PSMA1: variants seen among roughly 807,000 people sequenced by gnomAD.
The protein encoded by PSMA1 is proteasome subunit alpha type-1.
A neutral mutation model predicts 38.4 loss-of-function variants in PSMA1; 3 were observed. The ratio of observed to expected loss-of-function variants is 0.08; its 90% CI spans 0.04 to 0.20. PSMA1 has a LOEUF of 0.20. Ranked by LOEUF, PSMA1 falls within the 10% of genes least tolerant of loss-of-function variation. The pLI is 1.00. For missense variants in PSMA1, 227 were observed against 325.3 expected, an observed-to-expected ratio of 0.70 and a Z score of 2.32; for synonymous variants, 101 against 107.1, an observed-to-expected ratio of 0.94 and a Z score of 0.35.
In PSMA1 at chr11:14,546,020, T is replaced by TG. The variant is rs113480346; in HGVS notation, c.22-26980dup. ...CCTGAATTCTGTCTCTAGACTCCTT[T>TG]GGGGGGGTCCATCAAGCTCAAGTTA... On this transcript the variant is annotated intron_variant, in intron 2 of 10. Transcript: ENST00000418988. Among the ~76,000 whole-genome samples the TG allele has an allele frequency of 6.7e-3, 1,019 of 152,220 alleles. 22 individuals are homozygous for TG. Among genetic ancestry groups the TG allele is most frequent in the African/African-American group, 0.023 (973 of 41,516 alleles).
At chr11:14,628,291 A>G (rs528581548) in intron 1 of PSMA1, among the ~76,000 whole-genome samples, 102 of 970 alleles carry the variant, frequency 0.11, 1 homozygote, top group African/African-American at 0.24. Flanking sequence ...AGCATTAGGT[A>G]TATCTCCCAA....
At chr11:14,591,391 C>A (rs1339330350) in intron 2 of PSMA1, among the ~76,000 whole-genome samples, 2 of 152,206 alleles carry the variant, frequency 1.3e-5, no homozygotes, top group Non-Finnish European at 2.9e-5. Context: ...CCGATGAGTG[C>A]CGCCCCCTGC....
rs1851681064 is a variant in PSMA1 at position 14,534,348 on chromosome 11, T to C, written c.22-15307A>G. On this transcript the variant is annotated intron_variant, in intron 2 of 10. Coordinates refer to the PSMA1 transcript ENST00000418988. This position sits in a 1 kb window ranked among gnomAD's most constrained non-coding sequence, Gnocchi z 4.5. ...ATTTCTTCATGTCACATGCTTTAAATGTCTGTATAGCTATAAGGTATTACA... is the reference window on the plus strand; with the variant it reads ...ATTTCTTCATGTCACATGCTTTAAACGTCTGTATAGCTATAAGGTATTACA... Among the ~76,000 whole-genome samples the C allele has an allele frequency of 6.6e-6, 1 of 152,264 alleles. No individual in the cohort carries two copies. The highest frequency in any genetic ancestry group is 1.9e-4 in the East Asian group (1 of 5,206).
At chr11:14,633,685 T>C (rs1247882664) in intron 1 of PSMA1, among the ~76,000 whole-genome samples, 18 of 152,210 alleles carry the variant, frequency 1.2e-4, no homozygotes, top group Admixed American at 1.2e-3. Flanking sequence ...GCTTCCTGGC[T>C]GCTTTGTTTA....
intron 2 of PSMA1, among the ~76,000 whole-genome samples, chr11:14,598,441 G>C (rs1473104651): frequency 6.6e-6 from 1 of 152,074 alleles, no homozygotes; most frequent in Non-Finnish European, 1.5e-5. Context: ...TGTATTGGTT[G>C]CATATATATT....
At chr11:14,530,991 T>A (rs1851641914) in intron 2 of PSMA1, among the ~76,000 whole-genome samples, 1 of 152,092 alleles carries the variant, frequency 6.6e-6, no homozygotes, top group Admixed American at 6.5e-5. Flanking sequence ...TACCAAAAGT[T>A]GAAGTCTAAA....
chr11:14,592,681 G>A (rs999012051), intron 2 of PSMA1, among the ~76,000 whole-genome samples: 1 of 152,200 alleles, frequency 6.6e-6, no homozygotes. Context: ...CACTGTGCCC[G>A]GCCAGGGCAG....
At position 14,572,106 on chromosome 11, in the gene PSMA1, G is replaced by A. The variant is rs987880144; in HGVS notation, c.21+38860C>T. ...CACTGTCAATATTAGACAGATCAAC[G>A]AAACAGAAAGTTAACAAGGATATCC... On this transcript the variant is annotated intron_variant, in intron 2 of 10. Transcript: ENST00000418988. Among the ~76,000 whole-genome samples the A allele has an allele frequency of 5.3e-5, 8 of 152,086 alleles. 1 individual carries two copies. Among genetic ancestry groups the A allele is most frequent in the Admixed American group, 1.3e-4 (2 of 15,276 alleles).
exon 2 of PSMA1, chr11:14,611,147 A>T (rs947170525): frequency 3.1e-6 from 2 of 635,180 alleles, no homozygotes; most frequent in Non-Finnish European, 5.6e-6. Context: ...TGCAGGGTGG[A>T]ATACCTGAAA....
intron 2 of PSMA1, among the ~76,000 whole-genome samples, chr11:14,565,406 A>C (rs1017087761): frequency 2.0e-5 from 3 of 151,868 alleles, no homozygotes; most frequent in Admixed American, 6.6e-5. Flanking sequence ...GCCCTTTGTT[A>C]TATTTCCTTC....
chr11:14,511,066 C>A, intron 7 of PSMA1, 115 bp from the exon 8 acceptor site: 1 of 552,090 alleles, frequency 1.8e-6, no homozygotes, highest in Middle Eastern at 5.1e-4. Flanking sequence ...AAATTTATCA[C>A]AGTAAAAACA....
At chr11:14,547,990 G>A (rs1851844940) in intron 2 of PSMA1, among the ~76,000 whole-genome samples, 1 of 151,810 alleles carries the variant, frequency 6.6e-6, no homozygotes, top group African/African-American at 2.4e-5. Context: ...CTTCTGGTGG[G>A]CAAGATCCTG....
chr11:14,632,786 C>T (rs2133721310), intron 1 of PSMA1, among the ~76,000 whole-genome samples: 1 of 151,698 alleles, frequency 6.6e-6, no homozygotes, highest in South Asian at 2.1e-4. Flanking sequence ...CCATTCTCCC[C>T]ATCACTTTCA....
intron 2 of PSMA1, among the ~76,000 whole-genome samples, chr11:14,604,714 C>T (rs1389431797): frequency 1.3e-5 from 2 of 152,128 alleles, no homozygotes; most frequent in Non-Finnish European, 2.9e-5. Flanking sequence ...GCCCCCTTCC[C>T]TCCCTCCTTC....
chr11:14,617,564 C>A (rs972374918), intron 1 of PSMA1, among the ~76,000 whole-genome samples: 2 of 152,064 alleles, frequency 1.3e-5, no homozygotes, highest in African/African-American at 4.8e-5. Context: ...ATTTAATACA[C>A]ACTAAGACTG....
intron 2 of PSMA1, among the ~76,000 whole-genome samples, chr11:14,536,376 C>T (rs1411749529): frequency 2.0e-5 from 3 of 151,586 alleles, no homozygotes; most frequent in Non-Finnish European, 4.4e-5. Flanking sequence ...AAAATACAAA[C>T]ATTAGCCGGG....
At chr11:14,569,266 GA>G (rs1852109641) in intron 2 of PSMA1, among the ~76,000 whole-genome samples, 1 of 152,068 alleles carries the variant, frequency 6.6e-6, no homozygotes. Flanking sequence ...GGCCAAATAG[GA>G]ACAGCTCCAG....
chr11:14,610,837 T>G, intron 2 of PSMA1: 1 of 922,716 alleles, frequency 1.1e-6, no homozygotes, highest in Non-Finnish European at 1.6e-6. Flanking sequence ...TTTTTTTCTC[T>G]TTTTGTTTTC....
intron 2 of PSMA1, among the ~76,000 whole-genome samples, chr11:14,577,860 G>A (rs979931218): frequency 6.6e-6 from 1 of 152,032 alleles, no homozygotes; most frequent in African/African-American, 2.4e-5. Context: ...ATCCCACTTA[G>A]GAGTTAACAA....
Sources: allele counts gnomAD v4.1 joint callset (sites outside exome capture counted in the v4.1 genomes callset), GRCh38; gene constraint gnomAD v4.1.1; non-coding constraint Gnocchi (gnomAD v3.1); transcripts MANE v1.5; gene names NCBI Gene and HGNC (gene_info 2026-07-23, HGNC 2026-07-21).